KIF20B: variants seen among roughly 807,000 people sequenced by gnomAD.
KIF20B encodes the protein kinesin-like protein KIF20B.
Under a neutral mutation model 232.5 loss-of-function variants are expected in KIF20B, and 188 were observed. The observed-to-expected ratio is 0.81, with a 90% CI of 0.72 to 0.91. The LOEUF (loss-of-function observed/expected upper bound fraction) is 0.91, where lower values mean the gene tolerates loss of function less well. Ranked by LOEUF, KIF20B falls within the 40% of genes least tolerant of loss-of-function variation. KIF20B has a pLI of 0.00. For synonymous variants in KIF20B, 712 were observed against 683.0 expected (o/e 1.04, Z -0.66); for missense variants, 2,154 against 2,055.9 (o/e 1.05, Z -0.92).
At chr10:89,702,929 A>C (rs1842642711) in intron 1 of KIF20B, among the ~76,000 whole-genome samples, 1 of 152,250 alleles carries the variant, frequency 6.6e-6, no homozygotes, top group Non-Finnish European at 1.5e-5. Flanking sequence ...ACGTATAAGT[A>C]GAAGTCATCT....
At chr10:89,758,300 T>G (rs957341472) in intron 26 of KIF20B, among the ~76,000 whole-genome samples, 1 of 152,078 alleles carries the variant, frequency 6.6e-6, no homozygotes, top group Admixed American at 6.5e-5. Context: ...TACATTTTCT[T>G]TATCAGTATT....
rs147445053 is a variant in KIF20B, at chr10:89,741,233, A to G, written c.3915+2137A>G. ...AGTTCACAATAGGGTTTGCACTCCTATGAGAATCTAATGCCTCTGTTGATC... is the reference window on the plus strand; with the variant it reads ...AGTTCACAATAGGGTTTGCACTCCTGTGAGAATCTAATGCCTCTGTTGATC... On this transcript the variant is annotated intron_variant, in intron 21 of 32. Coordinates refer to ENST00000371728, the MANE Select transcript of KIF20B (RefSeq NM_001284259.2). Among the ~76,000 whole-genome samples, 963 of 152,270 alleles carry G rather than the reference A, an allele frequency of 6.3e-3. 6 individuals carry two copies. Among genetic ancestry groups the G allele is most frequent in the African/African-American group, 0.012 (519 of 41,562 alleles).
intron 31 of KIF20B, among the ~76,000 whole-genome samples, chr10:89,772,304 G>A (rs1274270161): frequency 1.3e-5 from 2 of 151,988 alleles, no homozygotes; most frequent in Admixed American, 6.6e-5. Context: ...TTATGCATGA[G>A]CATTGAACTA....
chr10:89,707,462 C>T (rs2133080359), intron 2 of KIF20B, among the ~76,000 whole-genome samples: 1 of 151,926 alleles, frequency 6.6e-6, no homozygotes, highest in East Asian at 1.9e-4. Context: ...TTCTTCCTTC[C>T]CAATTTGGAT....
chr10:89,738,412 G>C lies in KIF20B; in HGVS notation c.3571G>C (p.Glu1191Gln), dbSNP rs762770718. The change falls in exon 20 of 33, where the codon GAA becomes CAA. Residue 1191 changes from glutamate to glutamine, a missense_variant. Physicochemically the swap from Glu to Gln is conservative, Grantham distance 29 (BLOSUM62 2). Transcript: ENST00000371728. ...AKLEQDILEK[E>Q]SIILKLERNL... ...GTTAGAACAAGACATTTTGGAAAAG[G>C]AATCTATCATCTTAAAGCTAGAAAG... 1 of 1,601,766 alleles carries C rather than the reference G, an allele frequency of 6.2e-7. No individual in the cohort carries two copies. The highest frequency in any genetic ancestry group is 8.5e-7 in the Non-Finnish European group (1 of 1,176,974).
intron 7 of KIF20B, 65 bp downstream of exon 7, chr10:89,714,148 T>A: frequency 2.1e-6 from 2 of 935,076 alleles, no homozygotes; most frequent in Non-Finnish European, 3.1e-6. Flanking sequence ...GAAAAGCTTT[T>A]AATTTTTAAA....
At chr10:89,737,162 C>A (rs1438300501) in intron 19 of KIF20B, among the ~76,000 whole-genome samples, 3 of 151,972 alleles carry the variant, frequency 2.0e-5, no homozygotes, top group Non-Finnish European at 4.4e-5. Context: ...ACTTCCTTTG[C>A]TAACTTTGTA....
rs1480730059 is a variant in KIF20B at position 89,754,542 on chromosome 10, G to A, written c.4372G>A (p.Asp1458Asn). ...LQESEQKYNA[D>N]RKKWLEEKMM... ...GGAGTCTGAACAGAAATATAATGCT[G>A]ATAGAAAGAAATGGTTAGAAGAAAA... The change falls in exon 26 of 33, where the codon GAT becomes AAT. Residue 1458 changes from aspartate to asparagine, a missense_variant. Physicochemically the swap from Asp to Asn is conservative, Grantham distance 23. Coordinates refer to ENST00000371728, the MANE Select transcript of KIF20B (RefSeq NM_001284259.2). 1 of 1,598,044 alleles carries A rather than the reference G, an allele frequency of 6.3e-7. No homozygotes were observed. Among genetic ancestry groups the A allele is most frequent in the African/African-American group, 1.3e-5 (1 of 74,290 alleles).
Position 89,725,091 on chromosome 10 carries a change from T to A in KIF20B, c.1934T>A (p.Leu645Ter). The A allele has an allele frequency of 6.2e-7, 1 of 1,614,058 alleles. No individual in the cohort carries two copies. Among genetic ancestry groups the A allele is most frequent in the Non-Finnish European group, 8.5e-7 (1 of 1,179,954 alleles). ...AERRLAIFKD[L>*]VGKCDTREEA... ...CGTCGTTTGGCTATCTTCAAGGATT[T>A]GGTTGGTAAATGTGACACTCGAGAA... is the stretch of plus-strand genomic sequence containing the variant. The change falls in exon 15 of 33, where the codon TTG becomes TAG. Residue 645 changes from leucine to a stop codon, truncating the protein, a stop_gained. Transcript: ENST00000371728. LOFTEE classifies it high-confidence loss of function.
Position 89,738,977 on chromosome 10 carries a change from G to C in KIF20B, c.3796G>C (p.Ala1266Pro). Residue 1266 changes from alanine to proline, a missense_variant, in exon 21 of 33, where the codon GCA (alanine) becomes CCA (proline). Physicochemically the swap from Ala to Pro is conservative, Grantham distance 27. Coordinates refer to ENST00000371728, the MANE Select transcript of KIF20B (RefSeq NM_001284259.2). Reference sequence around the variant, plus strand: ...TTTTAGATTGAAAGAGGAACTCTCTGCAAGCTCTGCTCGTACCCAGAATCT... The same window carrying C: ...TTTTAGATTGAAAGAGGAACTCTCTCCAAGCTCTGCTCGTACCCAGAATCT... The part of the protein sequence containing the change: ...ETEKLKEELS[A>P]SSARTQNLKA... 1 of 1,612,342 alleles carries C rather than the reference G, an allele frequency of 6.2e-7. No individual in the cohort carries two copies. The highest frequency in any genetic ancestry group is 1.1e-5 in the South Asian group (1 of 90,778).
At chr10:89,711,867 T>C (rs1304476591) in intron 6 of KIF20B, among the ~76,000 whole-genome samples, 4 of 152,292 alleles carry the variant, frequency 2.6e-5, no homozygotes, top group African/African-American at 9.6e-5. Flanking sequence ...ACATTTGTAT[T>C]GTTTCTGTGT....
At chr10:89,709,292 T>C in intron 3 of KIF20B, 39 bp downstream of exon 3, 1 of 1,587,378 alleles carries the variant, frequency 6.3e-7, no homozygotes, top group African/African-American at 1.4e-5. Context: ...TATTTTACTT[T>C]CATTTAAAAT....
In KIF20B at chr10:89,738,517, A is replaced by G; in HGVS notation, c.3676A>G (p.Lys1226Glu). 6.2e-7 allele frequency: 1 copy of G among 1,603,530 alleles called. No homozygotes were observed. The highest frequency in any genetic ancestry group is 8.5e-7 in the Non-Finnish European group (1 of 1,175,660). ...TTTAAATGTAAAGGAACTCAAGCTGAAAGAAGAAATCACACAGTTAACAAA... is the reference window on the plus strand; with the variant it reads ...TTTAAATGTAAAGGAACTCAAGCTGGAAGAAGAAATCACACAGTTAACAAA... ...KDLNVKELKLKEEITQLTNNL... is the reference protein window; with the variant it reads ...KDLNVKELKLEEEITQLTNNL... Residue 1226 changes from lysine (K) to glutamate (E), a missense_variant, in exon 20 of 33, where the codon AAA becomes GAA. Transcript: ENST00000371728.
At chr10:89,742,699 CTTTTTTT>C (rs34668146) in intron 21 of KIF20B, among the ~76,000 whole-genome samples, 1 of 118,266 alleles carries the variant, frequency 8.5e-6, no homozygotes, top group Non-Finnish European at 1.7e-5. Context: ...ATCTTCAAGC[CTTTTTTT>C]TTTTTTTTTT....
At chr10:89,742,377 C>T (rs911073032) in intron 21 of KIF20B, among the ~76,000 whole-genome samples, 1 of 151,712 alleles carries the variant, frequency 6.6e-6, no homozygotes, top group Admixed American at 6.6e-5. Context: ...TAAGGGGGAA[C>T]TTGTCCTTGT....
chr10:89,726,716 T>A (rs994357838), intron 16 of KIF20B, among the ~76,000 whole-genome samples, 195 bp downstream of exon 16: 8 of 152,162 alleles, frequency 5.3e-5, no homozygotes, highest in African/African-American at 1.9e-4. Context: ...TGACTTCCAT[T>A]TATTTTAGAC....
At chr10:89,723,628 A>G (rs1168864174) in intron 13 of KIF20B, 1 of 156,620 alleles carries the variant, frequency 6.4e-6, no homozygotes, top group African/African-American at 2.4e-5. Flanking sequence ...AAGCTCACAG[A>G]AAGTTGTGGA....
rs773398410 is a variant in KIF20B at position 89,768,356 on chromosome 10, G to T, written c.5056G>T (p.Asp1686Tyr). Reference protein sequence around the residue: ...PRTNLKFPISDDRNSSVKKEQ... With the variant: ...PRTNLKFPISYDRNSSVKKEQ... Reference sequence around the variant, plus strand: ...AACTAATTTGAAATTTCCTATTTCAGATGATAGAAATTCTTCTGTCAAAAA... The same window carrying T: ...AACTAATTTGAAATTTCCTATTTCATATGATAGAAATTCTTCTGTCAAAAA... The change falls in exon 30 of 33, where the codon GAT becomes TAT. Residue 1686 changes from aspartate (D) to tyrosine (Y), a missense_variant. Coordinates refer to ENST00000371728, the MANE Select transcript of KIF20B (RefSeq NM_001284259.2). 3 of 1,590,450 alleles carry T rather than the reference G, an allele frequency of 1.9e-6. No individual in the cohort carries two copies. The highest frequency in any genetic ancestry group is 1.7e-4 in the Middle Eastern group (1 of 5,998).
chr10:89,725,047 A>G lies in KIF20B; in HGVS notation c.1890A>G (p.Ile630Met), dbSNP rs150954557. Residue 630 changes from isoleucine to methionine, a missense_variant, in exon 15 of 33, where the codon ATA (isoleucine) becomes ATG (methionine). Coordinates refer to ENST00000371728, the MANE Select transcript of KIF20B (RefSeq NM_001284259.2). ...FKETLLQERE[I>M]LEENAERRLA... ...AGACTCTGCTTCAAGAACGAGAGATATTAGAAGAAAATGCTGAACGTCGTT... is the reference window on the plus strand; with the variant it reads ...AGACTCTGCTTCAAGAACGAGAGATGTTAGAAGAAAATGCTGAACGTCGTT... The G allele has an allele frequency of 1.9e-6, 3 of 1,613,688 alleles. No individual in the cohort carries two copies. In the African/African-American group the frequency reaches 4.0e-5, roughly 22 times the overall value.
Sources: allele counts gnomAD v4.1 joint callset (sites outside exome capture counted in the v4.1 genomes callset), GRCh38; gene constraint gnomAD v4.1.1; transcripts MANE v1.5; gene names NCBI Gene and HGNC (gene_info 2026-07-23, HGNC 2026-07-21).